Variants in LHX4 observed in about 807,000 individuals in gnomAD.
LHX4 encodes LIM homeobox 4.
Under a neutral mutation model 39.2 loss-of-function variants are expected in LHX4, and 16 were observed. That is an observed-to-expected ratio of 0.41 (90% CI 0.28 to 0.62). LHX4 has a LOEUF of 0.62. Ranked by LOEUF, LHX4 falls within the 20% of genes least tolerant of loss-of-function variation. The probability of loss-of-function intolerance (pLI) is 0.33; values close to 1 mark genes in which losing one functional copy is unlikely to be tolerated. For missense variants in LHX4, 439 were observed against 511.9 expected, an observed-to-expected ratio of 0.86 and a Z score of 1.37; for synonymous variants, 206 against 198.1, an observed-to-expected ratio of 1.04 and a Z score of -0.33.
chr1:180,238,796 T>C (rs981409498), intron 1 of LHX4, among the ~76,000 whole-genome samples: 1 of 152,136 alleles, frequency 6.6e-6, no homozygotes, highest in South Asian at 2.1e-4. Flanking sequence ...CTATAAACGG[T>C]TCAACAAAAA....
chr1:180,274,413 G>A lies in LHX4; in HGVS notation c.1007G>A (p.Ser336Asn), dbSNP rs201612374. The A allele has an allele frequency of 3.7e-5, 59 of 1,614,240 alleles. No homozygotes were observed. The East Asian group carries it at 1.3e-3, about 35-fold the overall frequency. Residue 336 changes from serine to asparagine, a missense_variant, in exon 6 of 6, where the codon AGT (serine) becomes AAT (asparagine). By Grantham distance (46) the Ser-to-Asn change is conservative. Coordinates refer to ENST00000263726, the MANE Select transcript of LHX4 (RefSeq NM_033343.4). ...AATGGGCTGGATTACACGGTGGACAGTAATTTGGGCATCATTGCGCATGCA... is the reference window on the plus strand; with the variant it reads ...AATGGGCTGGATTACACGGTGGACAATAATTTGGGCATCATTGCGCATGCA... ...LLNGLDYTVD[S>N]NLGIIAHAGQ...
In LHX4 at chr1:180,266,206, C is replaced by T. The variant is rs1046259636; in HGVS notation, c.249-186C>T. Among the ~76,000 whole-genome samples, 2 of 152,118 alleles carry T rather than the reference C, an allele frequency of 1.3e-5. No individual in the cohort carries two copies. Among genetic ancestry groups the T allele is most frequent in the Non-Finnish European group, 2.9e-5 (2 of 68,016 alleles). On this transcript the variant is annotated intron_variant, in intron 2 of 5. Transcript: ENST00000263726. This position sits in a 1 kb window ranked among gnomAD's most constrained non-coding sequence, Gnocchi z 5.7. Reference sequence around the variant, plus strand: ...GTCCCTTCTTTGGTGGTTGAAGAGTCCCAGGCACAAAGCAATGAAGCTAGA... The same window carrying T: ...GTCCCTTCTTTGGTGGTTGAAGAGTTCCAGGCACAAAGCAATGAAGCTAGA...
In LHX4 at chr1:180,255,004, G is replaced by A. The variant is rs1015196145; in HGVS notation, c.248+6548G>A. 4.6e-5 allele frequency among the ~76,000 whole-genome samples: 7 copies of A among 152,344 alleles called. No homozygotes were observed. The South Asian group carries it at 1.0e-3, about 23-fold the overall frequency. On this transcript the variant is annotated intron_variant, in intron 2 of 5. Coordinates refer to ENST00000263726, the MANE Select transcript of LHX4 (RefSeq NM_033343.4). ...AGTGGTGGTCAGGGGATTGAACAAA[G>A]GCCCACCCTTCAGTGAGGAGCCGGC...
chr1:180,247,379 C>A (rs938801165), intron 1 of LHX4, among the ~76,000 whole-genome samples: 1 of 152,162 alleles, frequency 6.6e-6, no homozygotes, highest in African/African-American at 2.4e-5. Flanking sequence ...CTCAGTGGAG[C>A]CAGCTGGTTG....
chr1:180,249,446 C>T (rs758511462), intron 2 of LHX4, among the ~76,000 whole-genome samples: 13 of 152,170 alleles, frequency 8.5e-5, no homozygotes, highest in East Asian at 1.9e-4. Flanking sequence ...AGCCAAGAGC[C>T]GGAGGTGGGG....
upstream of LHX4, chr1:180,230,255 A>C: frequency 4.0e-6 from 2 of 496,132 alleles, no homozygotes; most frequent in Non-Finnish European, 3.6e-6. This position sits in a 1 kb window ranked among gnomAD's most constrained non-coding sequence, Gnocchi z 5.8. Flanking sequence ...AGGGAAGAGG[A>C]AAAAAGCCAG....
rs1648905926 is a variant in LHX4 at position 180,274,492 on chromosome 1, C to T, written c.1086C>T (p.Asp362=). 1.2e-6 allele frequency: 2 copies of T among 1,613,710 alleles called. No individual in the cohort carries two copies. The highest frequency in any genetic ancestry group is 1.3e-5 in the African/African-American group (1 of 74,916). The change falls in exon 6 of 6, where the codon GAC becomes GAT. Residue 362 remains aspartate, a synonymous_variant. Coordinates refer to ENST00000263726, the MANE Select transcript of LHX4 (RefSeq NM_033343.4). The part of the protein sequence containing the change: ...LRAMAGGPTS[D]ISTGSSVGYP... ...CCATGGCTGGGGGACCCACCTCTGA[C>T]ATCTCCACAGGAAGCAGTGTAGGCT...
At chr1:180,254,672 G>A (rs1558215129) in intron 2 of LHX4, among the ~76,000 whole-genome samples, 3 of 152,234 alleles carry the variant, frequency 2.0e-5, no homozygotes, top group Admixed American at 1.3e-4. Flanking sequence ...ACCCCTCTGC[G>A]GGGTGGGCTT....
Position 180,230,445 on chromosome 1 carries a change from T to G in LHX4, c.-85T>G. 2 of 1,193,688 alleles carry G rather than the reference T, an allele frequency of 1.7e-6. No individual in the cohort carries two copies. The highest frequency in any genetic ancestry group is 2.4e-6 in the Non-Finnish European group (2 of 816,902). 73.9% of individuals were successfully genotyped at this position (1,193,688 alleles called of 1,614,324 possible). A position where few individuals can be genotyped will look rare whatever the true frequency, so the allele number is the denominator to read the frequency against. On this transcript the variant is annotated 5_prime_UTR_variant, in exon 1 of 6. Coordinates refer to ENST00000263726, the MANE Select transcript of LHX4 (RefSeq NM_033343.4). This position sits in a 1 kb window ranked among gnomAD's most constrained non-coding sequence, Gnocchi z 5.8. Reference sequence around the variant, plus strand: ...TCCAGCGGCCTGCTTGGGGTTTTAATTATTATTTTGAAATTTCTGAATCGA... The same window carrying G: ...TCCAGCGGCCTGCTTGGGGTTTTAAGTATTATTTTGAAATTTCTGAATCGA...
intron 4 of LHX4, 69 bp from the exon 5 acceptor site, chr1:180,271,766 A>AG: frequency 1.9e-6 from 3 of 1,570,114 alleles, no homozygotes; most frequent in South Asian, 1.1e-5. Context: ...CCGCCCGCCT[A>AG]GGGGGTCCTG....
intron 3 of LHX4, among the ~76,000 whole-genome samples, chr1:180,267,130 T>G (rs1342828580): frequency 6.6e-6 from 1 of 152,212 alleles, no homozygotes; most frequent in East Asian, 1.9e-4. Context: ...GGGCAGGGCC[T>G]CCTGGAGTTT....
intron 2 of LHX4, among the ~76,000 whole-genome samples, chr1:180,250,619 C>T (rs1472524042): frequency 1.3e-5 from 2 of 152,188 alleles, no homozygotes; most frequent in Admixed American, 6.5e-5. Context: ...TGTGGCGGCT[C>T]AGGGAAGCCT....
At chr1:180,274,098 T>G in intron 5 of LHX4, 87 bp from the exon 6 acceptor site, 1 of 1,540,296 alleles carries the variant, frequency 6.5e-7, no homozygotes, top group Non-Finnish European at 9.0e-7. Context: ...GCATCTTTCC[T>G]GGTCATGTGT....
Position 180,230,652 on chromosome 1 carries a change from A to G in LHX4, c.76+47A>G, listed in dbSNP as rs758582870. ...CTGATTTAATTCTAACAAGACAGCTAGCAGCCTCAGCCGCTGCGGGGCGGG... is the reference window on the plus strand; with the variant it reads ...CTGATTTAATTCTAACAAGACAGCTGGCAGCCTCAGCCGCTGCGGGGCGGG... On this transcript the variant is annotated intron_variant, in intron 1 of 5. Transcript: ENST00000263726. The surrounding 1 kb of genome is among the most constrained non-coding windows in gnomAD (Gnocchi z 5.8). 1.9e-5 allele frequency: 30 copies of G among 1,550,908 alleles called. No individual in the cohort carries two copies. Among genetic ancestry groups the G allele is most frequent in the Non-Finnish European group, 5.3e-6 (6 of 1,125,628 alleles).
In LHX4 at chr1:180,230,750, C is replaced by T; in HGVS notation, c.76+145C>T. On this transcript the variant is annotated intron_variant, in intron 1 of 5. Coordinates refer to ENST00000263726, the MANE Select transcript of LHX4 (RefSeq NM_033343.4). The surrounding 1 kb of genome is among the most constrained non-coding windows in gnomAD (Gnocchi z 5.8). ...GGCGGTCACAGGGCAGGGGCACCAG[C>T]CAGAGTGCGTTTGAGGGGGCCAGGC... 1 of 753,776 alleles carries T rather than the reference C, an allele frequency of 1.3e-6. No individual in the cohort carries two copies. Among genetic ancestry groups the T allele is most frequent in the Admixed American group, 2.1e-5 (1 of 48,084 alleles). The allele number at this position is 753,776 out of a possible 1,614,324, so 46.7% of individuals were successfully genotyped here.
At chr1:180,229,998 C>T (rs1442087302), upstream of LHX4, among the ~76,000 whole-genome samples, 1 of 141,864 alleles carries the variant, frequency 7.0e-6, no homozygotes, top group Non-Finnish European at 1.6e-5. Flanking sequence ...AGGCCCCGCC[C>T]CGCTCCCTGC....
chr1:180,244,151 T>C (rs917200477), intron 1 of LHX4, among the ~76,000 whole-genome samples: 2 of 152,248 alleles, frequency 1.3e-5, no homozygotes, highest in Non-Finnish European at 2.9e-5. Flanking sequence ...CATAACAGGC[T>C]TCTGATGCCT....
At chr1:180,241,787 ATTTTTT>A (rs1222339049) in intron 1 of LHX4, among the ~76,000 whole-genome samples, 1 of 151,462 alleles carries the variant, frequency 6.6e-6, no homozygotes, top group Non-Finnish European at 1.5e-5. Context: ...TTTTGTTTTG[ATTTTTT>A]TTGTTTTTGT....
At chr1:180,237,897 T>C (rs1664361589) in intron 1 of LHX4, among the ~76,000 whole-genome samples, 3 of 152,202 alleles carry the variant, frequency 2.0e-5, no homozygotes, top group African/African-American at 7.2e-5. Flanking sequence ...ATTGTAGAGA[T>C]TTAGCAATGA....
Sources: gnomAD v4.1 joint callset for allele counts (sites outside exome capture counted in the v4.1 genomes callset) on GRCh38, gnomAD v4.1.1 for gene constraint, Gnocchi (gnomAD v3.1) non-coding constraint, MANE v1.5 for transcripts, NCBI Gene and HGNC (gene_info 2026-07-23, HGNC 2026-07-21) for gene names.